Variants in NAV2 observed in about 807,000 individuals in gnomAD.
NAV2 encodes the protein neuron navigator 2.
In NAV2, 54 loss-of-function variants were observed where a neutral mutation model predicts 223.2. The ratio of observed to expected loss-of-function variants is 0.24; its 90% CI spans 0.19 to 0.30. The LOEUF (loss-of-function observed/expected upper bound fraction) is 0.30, where lower values mean the gene tolerates loss of function less well. Ranked by LOEUF, NAV2 falls within the 10% of genes least tolerant of loss-of-function variation. NAV2 has a pLI of 1.00. For missense variants in NAV2, 2,806 were observed against 3,147.5 expected, an observed-to-expected ratio of 0.89 and a Z score of 2.60; for synonymous variants, 1,279 against 1,239.3, an observed-to-expected ratio of 1.03 and a Z score of -0.67.
At chr11:19,850,176 G>A (rs1469294550) in intron 3 of NAV2, among the ~76,000 whole-genome samples, 5 of 152,234 alleles carry the variant, frequency 3.3e-5, no homozygotes, top group Admixed American at 6.5e-5. Flanking sequence ...CTGATCTCCC[G>A]CTTGCCCCTT....
chr11:20,088,661 A>G (rs746032597), intron 26 of NAV2, among the ~76,000 whole-genome samples: 1 of 152,232 alleles, frequency 6.6e-6, no homozygotes, highest in Non-Finnish European at 1.5e-5. Flanking sequence ...CAAGCTCTGC[A>G]AAGTAACCCA....
intron 1 of NAV2, among the ~76,000 whole-genome samples, chr11:19,655,561 CA>C (rs1398856740): frequency 6.6e-6 from 1 of 151,638 alleles, no homozygotes; most frequent in Admixed American, 6.6e-5. Context: ...ACTATGCAGC[CA>C]AAAAAAGGAT....
chr11:20,045,711 C>A, intron 14 of NAV2, 41 bp downstream of exon 14: 1 of 1,483,600 alleles, frequency 6.7e-7, no homozygotes, highest in Non-Finnish European at 9.3e-7. Flanking sequence ...AACCAGAATA[C>A]AGGGAATGGA....
upstream of NAV2, among the ~76,000 whole-genome samples, chr11:19,349,119 C>G (rs1853151439): frequency 6.6e-6 from 1 of 152,224 alleles, no homozygotes. Context: ...GTCACCCACT[C>G]TTGGGTATAC....
intron 1 of NAV2, among the ~76,000 whole-genome samples, chr11:19,816,484 G>A (rs1187651775): frequency 6.6e-6 from 1 of 152,168 alleles, no homozygotes; most frequent in East Asian, 1.9e-4. Flanking sequence ...CCCTCCCTGA[G>A]TACTTCTGCA....
intron 1 of NAV2, chr11:19,777,405 CTTTT>C: frequency 1.7e-5 from 7 of 410,334 alleles, no homozygotes; most frequent in Non-Finnish European, 2.9e-5. Flanking sequence ...GGTGCTTCGG[CTTTT>C]TTTTTTTTTC....
chr11:19,587,040 A>T (rs7928521), intron 1 of NAV2, among the ~76,000 whole-genome samples: 1 of 152,210 alleles, frequency 6.6e-6, no homozygotes, highest in Non-Finnish European at 1.5e-5. Flanking sequence ...TTCGAGCTTC[A>T]CGGCCGCTTT....
chr11:19,781,155 A>G (rs2056707862), intron 1 of NAV2, among the ~76,000 whole-genome samples: 2 of 152,226 alleles, frequency 1.3e-5, no homozygotes, highest in South Asian at 2.1e-4. Flanking sequence ...GACTTGCCTA[A>G]GATTCCAGAG....
Position 20,120,995 on chromosome 11 carries a change from A to C in NAV2, c.*2737A>C, listed in dbSNP as rs1209853503. Reference sequence around the variant, plus strand: ...CCAAAAGTTCTCTTCCCAAACTGCCAAGAATGATACAGGCCATAATTGAAA... The same window carrying C: ...CCAAAAGTTCTCTTCCCAAACTGCCCAGAATGATACAGGCCATAATTGAAA... On this transcript the variant is annotated 3_prime_UTR_variant, in exon 38 of 38. Transcript: ENST00000349880. The C allele has an allele frequency of 6.6e-6, 1 of 152,602 alleles. No individual in the cohort carries two copies. The highest frequency in any genetic ancestry group is 1.5e-5 in the Non-Finnish European group (1 of 68,048). The allele number at this position is 152,602 out of a possible 1,614,324, so 9.5% of individuals were successfully genotyped here. A position where few individuals can be genotyped will look rare whatever the true frequency, so the allele number is the denominator to read the frequency against.
chr11:19,588,213 A>G (rs2135110526), intron 1 of NAV2, among the ~76,000 whole-genome samples: 1 of 152,312 alleles, frequency 6.6e-6, no homozygotes, highest in East Asian at 1.9e-4. Flanking sequence ...TGGTTAGTCA[A>G]ATGTTCCTCC....
intron 6 of NAV2, among the ~76,000 whole-genome samples, chr11:19,916,019 T>G (rs143092632): frequency 1.6e-4 from 24 of 152,276 alleles, no homozygotes; most frequent in African/African-American, 5.8e-4. Flanking sequence ...ATCTGTAAAA[T>G]GGGGGTATAG....
chr11:19,742,213 C>T (rs533244519), intron 1 of NAV2, among the ~76,000 whole-genome samples: 4 of 152,330 alleles, frequency 2.6e-5, no homozygotes, highest in South Asian at 4.1e-4. Context: ...CAGCAGTCAT[C>T]GGGACTTGGG....
At chr11:19,932,728 CT>C (rs1427314318) in intron 6 of NAV2, among the ~76,000 whole-genome samples, 1 of 152,048 alleles carries the variant, frequency 6.6e-6, no homozygotes, top group Non-Finnish European at 1.5e-5. Flanking sequence ...ATGGTTTCTC[CT>C]TCTTTTCTAT....
At position 19,788,557 on chromosome 11, in the gene NAV2, A is replaced by G. The variant is rs545504543; in HGVS notation, c.268-43927A>G. On this transcript the variant is annotated intron_variant, in intron 1 of 37. Coordinates refer to ENST00000349880, the MANE Select transcript of NAV2 (RefSeq NM_145117.5). ...CCTAACTGGTCTCCATAGTTTCACT[A>G]TTGCCTGCTTCCAGTCTGTTCTCCA... is the stretch of plus-strand genomic sequence containing the variant. Among the ~76,000 whole-genome samples, 7 of 152,322 alleles carry G rather than the reference A, an allele frequency of 4.6e-5. No individual in the cohort carries two copies. The East Asian group carries it at 1.3e-3, about 29-fold the overall frequency.
intron 3 of NAV2, among the ~76,000 whole-genome samples, chr11:19,864,222 A>G (rs529282767): frequency 1.3e-4 from 20 of 152,342 alleles, no homozygotes; most frequent in South Asian, 6.2e-4. Context: ...CTATTAAACC[A>G]TAAGAACTAC....
intron 8 of NAV2, among the ~76,000 whole-genome samples, chr11:19,945,389 T>A (rs189657210): frequency 2.6e-5 from 4 of 151,914 alleles, no homozygotes; most frequent in Admixed American, 2.6e-4. Flanking sequence ...TCTCCCTTCC[T>A]CTTTTCCTCC....
At chr11:20,008,483 C>T (rs1172523954) in intron 11 of NAV2, among the ~76,000 whole-genome samples, 1 of 152,194 alleles carries the variant, frequency 6.6e-6, no homozygotes, top group Non-Finnish European at 1.5e-5. Context: ...TTTCCTGCCC[C>T]TTAACAGCCA....
At chr11:19,518,288 G>C (rs974974339) in intron 1 of NAV2, 1 of 152,180 alleles carries the variant, frequency 6.6e-6, no homozygotes, top group African/African-American at 2.4e-5. Context: ...GGAAGTAAAG[G>C]GGAAACAGCC....
chr11:19,926,055 T>G lies in NAV2; in HGVS notation c.932-7121T>G, dbSNP rs145708079. Among the ~76,000 whole-genome samples, 1,161 of 152,332 alleles carry G rather than the reference T, an allele frequency of 7.6e-3. 14 individuals are homozygous for G. Among genetic ancestry groups the G allele is most frequent in the African/African-American group, 0.027 (1,103 of 41,578 alleles). The stretch of plus-strand genomic sequence containing the variant: ...TCTTTTTCAAGATTGTTTTGATTTT[T>G]GGGGGTCCCTTGAGATTCCAATGAA... On this transcript the variant is annotated intron_variant, in intron 6 of 37. Coordinates refer to ENST00000349880, the MANE Select transcript of NAV2 (RefSeq NM_145117.5).
Sources: gnomAD v4.1 joint callset for allele counts (sites outside exome capture counted in the v4.1 genomes callset) on GRCh38, gnomAD v4.1.1 for gene constraint, MANE v1.5 for transcripts, NCBI Gene and HGNC (gene_info 2026-07-23, HGNC 2026-07-21) for gene names.